Variants in CCAR2 observed in about 807,000 individuals in gnomAD.
CCAR2 encodes the protein cell cycle and apoptosis regulator 2.
CCAR2 carries 21 observed loss-of-function variants against 108.1 expected under a neutral mutation model. The ratio of observed to expected loss-of-function variants is 0.19; its 90% CI spans 0.14 to 0.28. The LOEUF (loss-of-function observed/expected upper bound fraction) is 0.28, where lower values mean the gene tolerates loss of function less well. CCAR2 is among the 10% of genes least tolerant of loss of function. The pLI is 1.00. For missense variants in CCAR2, 1,126 were observed against 1,177.0 expected, an observed-to-expected ratio of 0.96 and a Z score of 0.63; for synonymous variants, 577 against 472.8, an observed-to-expected ratio of 1.22 and a Z score of -2.86.
intron 15 of CCAR2, 34 bp from the exon 16 acceptor site, chr8:22,617,662 G>T: frequency 6.2e-7 from 1 of 1,613,952 alleles, no homozygotes; most frequent in African/African-American, 1.3e-5. Flanking sequence ...AGTTGGGTGG[G>T]CCCTGCTCTC....
chr8:22,607,426 T>C (rs1801117799), intron 6 of CCAR2, 101 bp downstream of exon 6: 2 of 1,432,158 alleles, frequency 1.4e-6, no homozygotes, highest in Non-Finnish European at 9.4e-7. Context: ...GGTACTTCTA[T>C]GTACTGGAAG....
intron 7 of CCAR2, among the ~76,000 whole-genome samples, chr8:22,610,757 C>T (rs1801241711): frequency 6.6e-6 from 1 of 152,204 alleles, no homozygotes; most frequent in Non-Finnish European, 1.5e-5. Context: ...ATGACCCAGG[C>T]AGGTCTAAAA....
Position 22,614,219 on chromosome 8 carries a change from C to A in CCAR2, c.832C>A (p.Pro278Thr). ...GAGCCAGCCCTTTTCCCTCCATCAT[C>A]CAAGCCGGATCCAGGTCTCTTCTGA... ...PLSQPFSLHH[P>T]SRIQVSSEKE... Residue 278 changes from proline to threonine, a missense_variant, in exon 9 of 21, where the codon CCA (proline) becomes ACA (threonine). Around this residue, in one of 4 missense-constraint regions of CCAR2, gnomAD observed 1,013 missense variants for 993.9 expected, o/e 1.02. Coordinates refer to ENST00000308511, the MANE Select transcript of CCAR2 (RefSeq NM_001393997.1). 6.2e-7 allele frequency: 1 copy of A among 1,614,092 alleles called. No individual in the cohort carries two copies. Among genetic ancestry groups the A allele is most frequent in the Non-Finnish European group, 8.5e-7 (1 of 1,180,046 alleles).
chr8:22,620,806 C>T (rs1008929844), downstream of CCAR2: 1 of 152,272 alleles, frequency 6.6e-6, no homozygotes, highest in African/African-American at 2.4e-5. Context: ...CCTGTGAATT[C>T]TTGTGGGACA....
intron 16 of CCAR2, 26 bp from the exon 17 acceptor site, chr8:22,618,323 C>A (rs1801604929): frequency 1.9e-6 from 3 of 1,613,958 alleles, no homozygotes; most frequent in Non-Finnish European, 2.5e-6. Context: ...ATTTGCAAAT[C>A]CTGCTCATCT....
In CCAR2 at chr8:22,611,388, A is replaced by G. The variant is rs199979705; in HGVS notation, c.585-1629A>G. 7.5e-3 allele frequency among the ~76,000 whole-genome samples: 963 copies of G among 128,430 alleles called. 24 individuals carry two copies. The highest frequency in any genetic ancestry group is 0.029 in the African/African-American group (908 of 31,284). The allele number at this position is 128,430 out of a possible 152,430, so 84.3% of individuals were successfully genotyped here. A position where few individuals can be genotyped will look rare whatever the true frequency, so the allele number is the denominator to read the frequency against. ...AAAAAAAAAAAAAAAAAGTATATAT[A>G]TGTGTGTGTGTGTGTGTATGTGTGT... On this transcript the variant is annotated intron_variant, in intron 7 of 20. Transcript: ENST00000308511.
Position 22,617,734 on chromosome 8 carries a change from G to A in CCAR2, c.2029G>A (p.Ala677Thr). The change falls in exon 16 of 21, where the codon GCC (alanine) becomes ACC (threonine). Residue 677 changes from alanine to threonine, a missense_variant. Physicochemically the swap from Ala to Thr is moderately conservative, Grantham distance 58. Transcript: ENST00000308511. The part of the protein sequence containing the change: ...KLEDSEVRSV[A>T]SNQSEMEFSS... ...GGAGGATTCGGAGGTCCGGTCCGTT[G>A]CCTCAAACCAGTCAGAGATGGAGTT... The A allele has an allele frequency of 6.2e-7, 1 of 1,614,112 alleles. No individual in the cohort carries two copies. Among genetic ancestry groups the A allele is most frequent in the Non-Finnish European group, 8.5e-7 (1 of 1,180,024 alleles).
chr8:22,607,988 A>G lies in CCAR2; in HGVS notation c.507A>G (p.Thr169=). 1 of 1,613,912 alleles carries G rather than the reference A, an allele frequency of 6.2e-7. No homozygotes were observed. The highest frequency in any genetic ancestry group is 8.5e-7 in the Non-Finnish European group (1 of 1,179,968). ...FPQKPLSLFQ[T]SHTLHLSHLN... The stretch of plus-strand genomic sequence containing the variant: ...CTGCAGCTCTGAGTCTCTTCCAAAC[A>G]TCCCACACACTTCACCTGAGCCACC... Residue 169 remains threonine, a synonymous_variant, in exon 7 of 21, where the codon ACA becomes ACG. Transcript: ENST00000308511.
chr8:22,619,479 A>T (rs1044856152), intron 20 of CCAR2, 124 bp downstream of exon 20: 1 of 1,412,962 alleles, frequency 7.1e-7, no homozygotes, highest in Non-Finnish European at 9.7e-7. Context: ...TCGTCTTTCC[A>T]TCGCTTGCCA....
At chr8:22,619,481 C>A (rs747802999) in intron 20 of CCAR2, 126 bp downstream of exon 20, 4 of 1,407,508 alleles carry the variant, frequency 2.8e-6, no homozygotes, top group Non-Finnish European at 2.9e-6. Context: ...GTCTTTCCAT[C>A]GCTTGCCAGG....
downstream of CCAR2, chr8:22,621,220 T>G: frequency 1.5e-6 from 1 of 646,774 alleles, no homozygotes; most frequent in Non-Finnish European, 2.6e-6. Flanking sequence ...ACTGCTTACC[T>G]GCTGGGGCTG....
At chr8:22,609,568 T>C (rs1221299936) in intron 7 of CCAR2, among the ~76,000 whole-genome samples, 1 of 152,236 alleles carries the variant, frequency 6.6e-6, no homozygotes, top group East Asian at 1.9e-4. Context: ...TATATAAATA[T>C]ATCCAGTCGC....
downstream of CCAR2, chr8:22,620,619 G>T (rs555387307): frequency 6.6e-6 from 1 of 152,324 alleles, no homozygotes; most frequent in East Asian, 1.9e-4. Flanking sequence ...GGCATGCTGG[G>T]CTGCCTGCTG....
At chr8:22,619,051 A>G in intron 19 of CCAR2, 36 bp downstream of exon 19, 1 of 1,607,674 alleles carries the variant, frequency 6.2e-7, no homozygotes, top group Non-Finnish European at 8.5e-7. Flanking sequence ...ATGGGGTCAC[A>G]TGCAGACCAG....
chr8:22,609,174 C>T (rs74366184), intron 7 of CCAR2, among the ~76,000 whole-genome samples: 6,829 of 152,116 alleles, frequency 0.045, 194 homozygotes, highest in South Asian at 0.072. Flanking sequence ...CCTCGGCCTC[C>T]GCAGTAGCTG....
chr8:22,608,323 T>A (rs1801156306), intron 7 of CCAR2, among the ~76,000 whole-genome samples: 1 of 152,202 alleles, frequency 6.6e-6, no homozygotes, highest in East Asian at 1.9e-4. Context: ...ATACAGTTCA[T>A]CTTTCAAAAT....
chr8:22,612,498 C>T lies in CCAR2; in HGVS notation c.585-519C>T, dbSNP rs531360757. ...GGCCAGGATGGTCTCGATCTCTTGACCTCGTGATCTGCCCGCCTTGGCCTC... is the reference window on the plus strand; with the variant it reads ...GGCCAGGATGGTCTCGATCTCTTGATCTCGTGATCTGCCCGCCTTGGCCTC... On this transcript the variant is annotated intron_variant, in intron 7 of 20. Coordinates refer to ENST00000308511, the MANE Select transcript of CCAR2 (RefSeq NM_001393997.1). 1.2e-4 allele frequency among the ~76,000 whole-genome samples: 18 copies of T among 148,104 alleles called. No homozygotes were observed. The East Asian group carries it at 2.9e-3, about 24-fold the overall frequency.
In CCAR2 at chr8:22,615,765, C is replaced by T. The variant is rs1801478592; in HGVS notation, c.1461C>T (p.Ala487=). Residue 487 remains alanine, a synonymous_variant, in exon 13 of 21, where the codon GCC becomes GCT. Coordinates refer to ENST00000308511, the MANE Select transcript of CCAR2 (RefSeq NM_001393997.1). ...GACGGAACGCAGAAACTCCAGAGGC[C>T]ACCACACAGCAGGAAACGGACACTG... ...TSRRNAETPE[A]TTQQETDTDL... The T allele has an allele frequency of 9.9e-6, 16 of 1,613,916 alleles. No homozygotes were observed. Among genetic ancestry groups the T allele is most frequent in the Non-Finnish European group, 1.3e-5 (15 of 1,180,016 alleles).
At position 22,619,718 on chromosome 8, in the gene CCAR2, C is replaced by T. The variant is rs539146315; in HGVS notation, c.*36C>T. ...CGGAACTGCCATCCTGTGAGGGCAG[C>T]GGTGGCGCCCGGCAAAGTTGGAGCC... On this transcript the variant is annotated 3_prime_UTR_variant, in exon 21 of 21. Coordinates refer to ENST00000308511, the MANE Select transcript of CCAR2 (RefSeq NM_001393997.1). The T allele has an allele frequency of 1.9e-5, 29 of 1,550,220 alleles. No homozygotes were observed. The East Asian group carries it at 2.4e-4, about 13-fold the overall frequency.
Sources: allele counts gnomAD v4.1 joint callset (sites outside exome capture counted in the v4.1 genomes callset), GRCh38; gene constraint gnomAD v4.1.1; regional missense constraint gnomAD v4.1.1; transcripts MANE v1.5; gene names NCBI Gene and HGNC (gene_info 2026-07-23, HGNC 2026-07-21).